Variants in ACACA observed in about 807,000 individuals in gnomAD.
ACACA encodes acetyl-CoA carboxylase alpha, also known as acetyl-CoA carboxylase 1.
Under a neutral mutation model 296.1 loss-of-function variants are expected in ACACA, and 103 were observed. That is an observed-to-expected ratio of 0.35 (90% CI 0.30 to 0.41). The LOEUF (loss-of-function observed/expected upper bound fraction) is 0.41. ACACA is among the 10% of genes least tolerant of loss of function. The pLI is 1.00. For missense variants in ACACA, 1,554 were observed against 2,989.7 expected (o/e 0.52, Z 11.20); for synonymous variants, 953 against 1,038.6 (o/e 0.92, Z 1.58).
intron 39 of ACACA, among the ~76,000 whole-genome samples, chr17:37,186,140 A>G (rs562380763): frequency 6.6e-6 from 1 of 152,256 alleles, no homozygotes; most frequent in African/African-American, 2.4e-5. Flanking sequence ...TCCATTTTCT[A>G]CTATAATGAA....
intron 35 of ACACA, among the ~76,000 whole-genome samples, chr17:37,199,438 T>C (rs1054339918): frequency 6.6e-6 from 1 of 152,152 alleles, no homozygotes; most frequent in Non-Finnish European, 1.5e-5. Flanking sequence ...TATACCATAG[T>C]TTGGATGCCA....
chr17:37,242,239 G>C (rs1238169073), intron 22 of ACACA, among the ~76,000 whole-genome samples, 186 bp from the exon 23 acceptor site: 2 of 152,084 alleles, frequency 1.3e-5, no homozygotes, highest in East Asian at 1.9e-4. Context: ...TAAGCAAGCA[G>C]ATTTCATCCC....
chr17:37,231,194 C>A (rs2079843591), intron 25 of ACACA, among the ~76,000 whole-genome samples: 1 of 147,262 alleles, frequency 6.8e-6, no homozygotes, highest in African/African-American at 2.5e-5. Flanking sequence ...GCCCAGGCAA[C>A]ACAGTGAGAC....
chr17:37,217,824 T>G (rs1230241957), intron 29 of ACACA, among the ~76,000 whole-genome samples: 2 of 150,520 alleles, frequency 1.3e-5, no homozygotes, highest in African/African-American at 4.9e-5. Context: ...CACATGCCTG[T>G]AGTCCCAGCT....
At chr17:37,366,437 A>G (rs1045408486) in intron 1 of ACACA, among the ~76,000 whole-genome samples, 2 of 150,426 alleles carry the variant, frequency 1.3e-5, no homozygotes, top group African/African-American at 4.9e-5. Flanking sequence ...CCTGTATGTG[A>G]TATCTTAGAG....
chr17:37,186,909 A>AG (rs1414233061), intron 39 of ACACA, among the ~76,000 whole-genome samples: 1 of 152,008 alleles, frequency 6.6e-6, no homozygotes, highest in Non-Finnish European at 1.5e-5. Flanking sequence ...AAAAAAAAAA[A>AG]GAAAGAAAGT....
At chr17:37,311,033 T>C (rs1160668574) in intron 3 of ACACA, among the ~76,000 whole-genome samples, 2 of 152,088 alleles carry the variant, frequency 1.3e-5, no homozygotes, top group African/African-American at 4.8e-5. Flanking sequence ...TATGGAACTG[T>C]TGAGAGACTT....
At chr17:37,225,268 A>T (rs780080504) in intron 26 of ACACA, 163 bp from the exon 27 acceptor site, 26 of 605,534 alleles carry the variant, frequency 4.3e-5, no homozygotes, top group Non-Finnish European at 6.3e-5. Context: ...TGTAACATAA[A>T]GCCAGTGCCA....
intron 42 of ACACA, 100 bp downstream of exon 42, chr17:37,161,681 T>G (rs1455752440): frequency 7.2e-7 from 1 of 1,383,092 alleles, no homozygotes; most frequent in East Asian, 2.3e-5. Context: ...TTACCATAAG[T>G]GGTGATTTTT....
chr17:37,141,299 C>T (rs894563929), intron 45 of ACACA: 5 of 526,268 alleles, frequency 9.5e-6, no homozygotes, highest in Non-Finnish European at 1.8e-5. Flanking sequence ...GTCATCCATT[C>T]CTTGCCCTCA....
At chr17:37,239,743 T>C (rs2080297108) in intron 24 of ACACA, among the ~76,000 whole-genome samples, 1 of 152,212 alleles carries the variant, frequency 6.6e-6, no homozygotes, top group South Asian at 2.1e-4. Flanking sequence ...TGTTATGTAT[T>C]ATTTTGTATG....
intron 1 of ACACA, among the ~76,000 whole-genome samples, chr17:37,386,681 G>A (rs1436354870): frequency 1.3e-5 from 2 of 152,172 alleles, no homozygotes; most frequent in African/African-American, 4.8e-5. Context: ...CCACGCAAAT[G>A]AGCTCACCCT....
At chr17:37,149,219 G>A (rs1262390512) in intron 45 of ACACA, among the ~76,000 whole-genome samples, 2 of 152,120 alleles carry the variant, frequency 1.3e-5, no homozygotes, top group East Asian at 3.9e-4. Context: ...AAATCTTTAT[G>A]CATACTCTTT....
At chr17:37,187,592 G>A (rs1299275142) in intron 39 of ACACA, among the ~76,000 whole-genome samples, 3 of 152,306 alleles carry the variant, frequency 2.0e-5, no homozygotes, top group East Asian at 1.9e-4. Flanking sequence ...GGAATTCTCT[G>A]TTTCACAGAA....
intron 1 of ACACA, among the ~76,000 whole-genome samples, chr17:37,350,934 A>G (rs2147471700): frequency 6.6e-6 from 1 of 152,106 alleles, no homozygotes; most frequent in South Asian, 2.1e-4. Context: ...GGAGTTCCGG[A>G]CCAGCGTGGC....
Position 37,113,113 on chromosome 17 carries a change from C to T in ACACA, c.6427G>A (p.Glu2143Lys). ...CTGCTTTCTCGGTCAGCATACATCT[C>T]CATGTGCCGGGGGTTGATGGAGGAG... ...IDSSINPRHM[E>K]MYADRESRGS... The change falls in exon 51 of 56, where the codon GAG (glutamate) becomes AAG (lysine). Residue 2143 changes from glutamate to lysine, a missense_variant. Transcript: ENST00000616317. The surrounding 1 kb of genome is among the most constrained non-coding windows in gnomAD (Gnocchi z 4.0). 2 of 1,614,190 alleles carry T rather than the reference C, an allele frequency of 1.2e-6. No individual in the cohort carries two copies. Among genetic ancestry groups the T allele is most frequent in the Non-Finnish European group, 8.5e-7 (1 of 1,180,038 alleles).
Position 37,130,413 on chromosome 17 carries a change from C to T in ACACA, c.5680-195G>A, listed in dbSNP as rs149773629. 7.1e-3 allele frequency among the ~76,000 whole-genome samples: 1,079 copies of T among 152,184 alleles called. 7 individuals carry two copies. Among genetic ancestry groups the T allele is most frequent in the Middle Eastern group, 0.041 (12 of 294 alleles). ...TAGAAAACAAAAAATATGAGATTGA[C>T]GCGCTGCCAGCTGCGCTAAGAGGGC... On this transcript the variant is annotated intron_variant, in intron 45 of 55. Transcript: ENST00000616317.
At chr17:37,117,569 G>A (rs187720617) in intron 50 of ACACA, among the ~76,000 whole-genome samples, 113 of 152,234 alleles carry the variant, frequency 7.4e-4, no homozygotes, top group African/African-American at 2.5e-3. Flanking sequence ...ATGTCTCCCT[G>A]TTGTGGGTCA....
chr17:37,205,935 G>T, intron 32 of ACACA, 63 bp from the exon 33 acceptor site: 1 of 1,327,606 alleles, frequency 7.5e-7, no homozygotes, highest in Non-Finnish European at 1.1e-6. Context: ...GCAGATAGAA[G>T]TTATAATATT....
Sources: allele counts gnomAD v4.1 joint callset (sites outside exome capture counted in the v4.1 genomes callset), GRCh38; gene constraint gnomAD v4.1.1; non-coding constraint Gnocchi (gnomAD v3.1); transcripts MANE v1.5; gene names NCBI Gene and HGNC (gene_info 2026-07-23, HGNC 2026-07-21).